SLC7A5: variants seen among roughly 807,000 people sequenced by gnomAD.
The protein encoded by SLC7A5 is solute carrier family 7 member 5, also known as large neutral amino acids transporter small subunit 1.
Under a neutral mutation model 50.2 loss-of-function variants are expected in SLC7A5, and 23 were observed. The ratio of observed to expected loss-of-function variants is 0.46; its 90% CI spans 0.33 to 0.65. The LOEUF (loss-of-function observed/expected upper bound fraction) is 0.65, where lower values mean the gene tolerates loss of function less well. SLC7A5 is among the 30% of genes least tolerant of loss of function. The pLI is 0.02. For synonymous variants in SLC7A5, 393 were observed against 330.6 expected, an observed-to-expected ratio of 1.19 and a Z score of -2.05; for missense variants, 578 against 684.4, an observed-to-expected ratio of 0.84 and a Z score of 1.73.
rs773179095 is a variant in SLC7A5 at position 87,841,192 on chromosome 16, G to A, written c.665-37C>T. ...AAAGAAAGGAATGCTGGGTTAGAGA[G>A]CGCTGAACAGAGGTCATGCTACCAG... On this transcript the variant is annotated intron_variant, in intron 2 of 9. Coordinates refer to ENST00000261622, the MANE Select transcript of SLC7A5 (RefSeq NM_003486.7). The surrounding 1 kb of genome is among the most constrained non-coding windows in gnomAD (Gnocchi z 4.8). 1 of 1,361,624 alleles carries A rather than the reference G, an allele frequency of 7.3e-7. No homozygotes were observed. The highest frequency in any genetic ancestry group is 1.4e-5 in the African/African-American group (1 of 69,788). 84.3% of individuals were successfully genotyped at this position (1,361,624 alleles called of 1,614,324 possible).
chr16:87,837,370 T>C (rs2055020196), intron 7 of SLC7A5: 2 of 193,202 alleles, frequency 1.0e-5, no homozygotes, highest in East Asian at 1.2e-4. Flanking sequence ...CCTGAATTCC[T>C]GACTTACGGA....
At chr16:87,867,564 C>T (rs573574594) in intron 1 of SLC7A5, among the ~76,000 whole-genome samples, 233 of 152,016 alleles carry the variant, frequency 1.5e-3, no homozygotes, top group African/African-American at 5.1e-3. Context: ...CCCTCCCCCT[C>T]CCCCCCAAAG....
At position 87,836,667 on chromosome 16, in the gene SLC7A5, G is replaced by T. The variant is rs935244135; in HGVS notation, c.1141-20C>A. 6.2e-7 allele frequency: 1 copy of T among 1,609,854 alleles called. No individual in the cohort carries two copies. Among genetic ancestry groups the T allele is most frequent in the East Asian group, 2.2e-5 (1 of 44,882 alleles). ...CACACACTGGAAGAGAGAGGCGGCT[G>T]GCTGAGCCCTGGGGCCCACGAGCAG... On this transcript the variant is annotated intron_variant, in intron 7 of 9. Coordinates refer to ENST00000261622, the MANE Select transcript of SLC7A5 (RefSeq NM_003486.7).
At position 87,869,444 on chromosome 16, in the gene SLC7A5, T is replaced by A. The variant is rs954334203; in HGVS notation, c.-22A>T. The A allele has an allele frequency of 3.6e-6, 5 of 1,394,426 alleles. No homozygotes were observed. The African/African-American group carries it at 7.7e-5, about 21-fold the overall frequency. The allele number at this position is 1,394,426 out of a possible 1,614,324, so 86.4% of individuals were successfully genotyped here. A position where few individuals can be genotyped will look rare whatever the true frequency, so the allele number is the denominator to read the frequency against. On this transcript the variant is annotated 5_prime_UTR_variant, in exon 1 of 10. Coordinates refer to ENST00000261622, the MANE Select transcript of SLC7A5 (RefSeq NM_003486.7). Reference sequence around the variant, plus strand: ...CCATGCTCTGCGCACCGGCCGGGCCTGGGACACCCGGGAGCCGCGGCCCAG... The same window carrying A: ...CCATGCTCTGCGCACCGGCCGGGCCAGGGACACCCGGGAGCCGCGGCCCAG...
In SLC7A5 at chr16:87,836,479, C is replaced by CG. The variant is rs1567487781; in HGVS notation, c.1290+18dup. The CG allele has an allele frequency of 1.9e-6, 3 of 1,606,750 alleles. No homozygotes were observed. In the South Asian group the frequency reaches 3.3e-5, roughly 18 times the overall value. ...CCTCTGTGAAGGGTGCCTGGGTGAG[C>CG]GGGAGGCCCCGGGCTCACCTTGATG... On this transcript the variant is annotated intron_variant, in intron 8 of 9. Transcript: ENST00000261622.
At chr16:87,849,596 C>T (rs1037753929) in intron 2 of SLC7A5, among the ~76,000 whole-genome samples, 5 of 152,180 alleles carry the variant, frequency 3.3e-5, no homozygotes, top group Admixed American at 6.5e-5. Flanking sequence ...CCCTTCCGTG[C>T]CCACTTCTGG....
At chr16:87,867,913 A>G (rs2055483243) in intron 1 of SLC7A5, among the ~76,000 whole-genome samples, 1 of 152,132 alleles carries the variant, frequency 6.6e-6, no homozygotes, top group Non-Finnish European at 1.5e-5. Context: ...CAGGAGATCG[A>G]GACCATCCTG....
chr16:87,848,613 G>A (rs1173752313), intron 2 of SLC7A5, among the ~76,000 whole-genome samples: 1 of 152,238 alleles, frequency 6.6e-6, no homozygotes, highest in East Asian at 1.9e-4. Flanking sequence ...AAGGGCTCCC[G>A]ACCACTCAGG....
In SLC7A5 at chr16:87,833,488, A is replaced by T. The variant is rs2054957804; in HGVS notation, c.1469-463T>A. The stretch of plus-strand genomic sequence containing the variant: ...CGCGCCTGGGACTGTCTACAGAGAC[A>T]TCACTCTGTGGAGGGGGACTGCTTT... On this transcript the variant is annotated intron_variant, in intron 9 of 9. Coordinates refer to ENST00000261622, the MANE Select transcript of SLC7A5 (RefSeq NM_003486.7). The surrounding 1 kb of genome is among the most constrained non-coding windows in gnomAD (Gnocchi z 6.0). Among the ~76,000 whole-genome samples, 1 of 152,178 alleles carries T rather than the reference A, an allele frequency of 6.6e-6. No homozygotes were observed. Among genetic ancestry groups the T allele is most frequent in the African/African-American group, 2.4e-5 (1 of 41,454 alleles).
chr16:87,868,224 C>A (rs983137540), intron 1 of SLC7A5, among the ~76,000 whole-genome samples: 5 of 152,190 alleles, frequency 3.3e-5, no homozygotes, highest in African/African-American at 1.2e-4. Context: ...AAAACAGGAG[C>A]CCCATGGCTG....
At chr16:87,865,897 GC>G (rs2055454726) in intron 1 of SLC7A5, among the ~76,000 whole-genome samples, 2 of 152,136 alleles carry the variant, frequency 1.3e-5, no homozygotes, top group African/African-American at 4.8e-5. Flanking sequence ...TGAGGCACAT[GC>G]CTGTAATCTA....
chr16:87,833,132 C>T lies in SLC7A5; in HGVS notation c.1469-107G>A, dbSNP rs1017759297. On this transcript the variant is annotated intron_variant, in intron 9 of 9. Transcript: ENST00000261622. This position sits in a 1 kb window ranked among gnomAD's most constrained non-coding sequence, Gnocchi z 6.0. ...CCAGCCCTGCTGTCACCAAACCCAGCGCCGCTGCCCAGCGCTGGGATTTTA... is the reference window on the plus strand; with the variant it reads ...CCAGCCCTGCTGTCACCAAACCCAGTGCCGCTGCCCAGCGCTGGGATTTTA... 30 of 907,892 alleles carry T rather than the reference C, an allele frequency of 3.3e-5. No homozygotes were observed. Among genetic ancestry groups the T allele is most frequent in the South Asian group, 1.8e-4 (14 of 76,554 alleles). The allele number at this position is 907,892 out of a possible 1,614,324, so 56.2% of individuals were successfully genotyped here. A position where few individuals can be genotyped will look rare whatever the true frequency, so the allele number is the denominator to read the frequency against.
At chr16:87,854,864 T>A (rs1048678307) in intron 1 of SLC7A5, among the ~76,000 whole-genome samples, 1 of 152,178 alleles carries the variant, frequency 6.6e-6, no homozygotes, top group African/African-American at 2.4e-5. Flanking sequence ...TTGGGGGCAG[T>A]GCATTGGAGG....
chr16:87,865,054 T>C lies in SLC7A5; in HGVS notation c.538+3831A>G, dbSNP rs540407714. Among the ~76,000 whole-genome samples the C allele has an allele frequency of 2.4e-4, 36 of 152,310 alleles. 1 individual carries two copies. The highest frequency in any genetic ancestry group is 1.8e-3 in the Admixed American group (28 of 15,298). ...TCTAATATCTTTCCCACCAGAATGA[T>C]TGAACCCCAACACACCTCCCTCTCT... On this transcript the variant is annotated intron_variant, in intron 1 of 9. Coordinates refer to ENST00000261622, the MANE Select transcript of SLC7A5 (RefSeq NM_003486.7).
rs909414683 is a variant in SLC7A5 at position 87,862,479 on chromosome 16, C to G, written c.538+6406G>C. 6.6e-6 allele frequency among the ~76,000 whole-genome samples: 1 copy of G among 152,248 alleles called. No individual in the cohort carries two copies. The highest frequency in any genetic ancestry group is 1.5e-5 in the Non-Finnish European group (1 of 68,042). The stretch of plus-strand genomic sequence containing the variant: ...TAGCCCCCCGACCCTGGGCCTGTGC[C>G]GAGCGTGGGTGGGTGACATCATCTC... On this transcript the variant is annotated intron_variant, in intron 1 of 9. Coordinates refer to ENST00000261622, the MANE Select transcript of SLC7A5 (RefSeq NM_003486.7). This position sits in a 1 kb window ranked among gnomAD's most constrained non-coding sequence, Gnocchi z 5.3.
In SLC7A5 at chr16:87,851,804, C is replaced by G. The variant is rs537011132; in HGVS notation, c.584G>C (p.Arg195Pro). 3.1e-6 allele frequency: 5 copies of G among 1,612,912 alleles called. No individual in the cohort carries two copies. Residue 195 changes from arginine to proline, a missense_variant, in exon 2 of 10, where the codon CGG becomes CCG. Physicochemically the swap from Arg to Pro is moderately radical, Grantham distance 103. Coordinates refer to ENST00000261622, the MANE Select transcript of SLC7A5 (RefSeq NM_003486.7). ...GGCGGCGGCAAAGGCATCCTGGACCCGGGTGGCGGCCTTCACGCTGTAGCA... is the reference window on the plus strand; with the variant it reads ...GGCGGCGGCAAAGGCATCCTGGACCGGGGTGGCGGCCTTCACGCTGTAGCA... ...VNCYSVKAAT[R>P]VQDAFAAAKL...
At position 87,846,867 on chromosome 16, in the gene SLC7A5, G is replaced by A. The variant is rs778550022; in HGVS notation, c.664+4857C>T. Among the ~76,000 whole-genome samples, 6 of 152,202 alleles carry A rather than the reference G, an allele frequency of 3.9e-5. No individual in the cohort carries two copies. In the South Asian group the frequency reaches 6.2e-4, roughly 16 times the overall value. On this transcript the variant is annotated intron_variant, in intron 2 of 9. Coordinates refer to ENST00000261622, the MANE Select transcript of SLC7A5 (RefSeq NM_003486.7). ...TGGACCCTGCATGGCAGTGGCTCCC[G>A]TGCCGGGGACGCGGTGAGCCTGGCC...
At position 87,833,954 on chromosome 16, in the gene SLC7A5, A is replaced by G. The variant is rs1038597922; in HGVS notation, c.1468+460T>C. Among the ~76,000 whole-genome samples, 4 of 151,692 alleles carry G rather than the reference A, an allele frequency of 2.6e-5. No individual in the cohort carries two copies. The highest frequency in any genetic ancestry group is 9.7e-5 in the African/African-American group (4 of 41,238). On this transcript the variant is annotated intron_variant, in intron 9 of 9. Coordinates refer to ENST00000261622, the MANE Select transcript of SLC7A5 (RefSeq NM_003486.7). This position sits in a 1 kb window ranked among gnomAD's most constrained non-coding sequence, Gnocchi z 6.0. ...CTGCAACCTCCGTCTCCCGGGTTCA[A>G]GTGATTCTCCTGCCTCAGCCTCCTG... is the stretch of plus-strand genomic sequence containing the variant.
At chr16:87,834,080 C>A (rs2054966144) in intron 9 of SLC7A5, among the ~76,000 whole-genome samples, 1 of 152,160 alleles carries the variant, frequency 6.6e-6, no homozygotes, top group Admixed American at 6.5e-5. Context: ...TCTTGAACTC[C>A]TGACCTCAAG....
Sources: gnomAD v4.1 joint callset for allele counts (sites outside exome capture counted in the v4.1 genomes callset) on GRCh38, gnomAD v4.1.1 for gene constraint, Gnocchi (gnomAD v3.1) non-coding constraint, MANE v1.5 for transcripts, NCBI Gene and HGNC (gene_info 2026-07-23, HGNC 2026-07-21) for gene names.